Variants in BCKDHB observed in about 807,000 individuals in gnomAD.
BCKDHB encodes branched chain keto acid dehydrogenase E1 subunit beta, also known as 2-oxoisovalerate dehydrogenase subunit beta, mitochondrial.
In BCKDHB, 41 loss-of-function variants were observed where a neutral mutation model predicts 48.5. The ratio of observed to expected loss-of-function variants is 0.85; its 90% CI spans 0.66 to 1.10. The LOEUF (loss-of-function observed/expected upper bound fraction) is 1.10. Among genes scored for constraint, BCKDHB ranks in the 50% least tolerant of loss-of-function variants. The pLI is 0.00. For synonymous variants in BCKDHB, 201 were observed against 174.8 expected, an observed-to-expected ratio of 1.15 and a Z score of -1.18; for missense variants, 496 against 494.2, an observed-to-expected ratio of 1.00 and a Z score of -0.03.
chr6:80,387,373 T>C, the BCKDHB span, among the ~76,000 whole-genome samples: 1 of 24,016 alleles, frequency 4.2e-5, no homozygotes, highest in Non-Finnish European at 1.1e-3. Flanking sequence ...CTAGAAAAAA[T>C]AGTAATCAAA....
At chr6:80,108,728 C>G (rs561878440) in intron 1 of BCKDHB, among the ~76,000 whole-genome samples, 9 of 151,998 alleles carry the variant, frequency 5.9e-5, no homozygotes, top group Middle Eastern at 3.4e-3. Context: ...GGCGTGGCAG[C>G]GCATGCCTGT....
At position 80,140,950 on chromosome 6, in the gene BCKDHB, G is replaced by C. The variant is rs183515698; in HGVS notation, c.343+11721G>C. ...ATCTGGTCCTGGACTCTTTTTGGTT[G>C]ATAAGCTGTTGATTATTGCCACAAT... On this transcript the variant is annotated intron_variant, in intron 3 of 9. Coordinates refer to ENST00000320393, the MANE Select transcript of BCKDHB (RefSeq NM_183050.4). 5.1e-3 allele frequency among the ~76,000 whole-genome samples: 777 copies of C among 152,200 alleles called. 4 individuals carry two copies. Among genetic ancestry groups the C allele is most frequent in the South Asian group, 8.3e-3 (40 of 4,810 alleles).
At chr6:80,231,142 A>G (rs1037658180) in intron 8 of BCKDHB, among the ~76,000 whole-genome samples, 27 of 152,220 alleles carry the variant, frequency 1.8e-4, no homozygotes, top group Admixed American at 6.5e-5. Context: ...CTTGGGAAGG[A>G]TAGTTTACTG....
the BCKDHB span, among the ~76,000 whole-genome samples, chr6:80,431,581 T>A: frequency 6.6e-6 from 1 of 152,240 alleles, no homozygotes; most frequent in Non-Finnish European, 1.5e-5. Context: ...GTAATGCCCT[T>A]CTTTGTCTCT....
the BCKDHB span, among the ~76,000 whole-genome samples, chr6:80,424,525 A>C: frequency 6.6e-6 from 1 of 152,308 alleles, no homozygotes; most frequent in East Asian, 1.9e-4. Flanking sequence ...ATTTGCATCC[A>C]ATTTTATAAA....
chr6:80,278,622 C>T (rs770780372), intron 9 of BCKDHB, among the ~76,000 whole-genome samples: 10 of 152,060 alleles, frequency 6.6e-5, no homozygotes, highest in South Asian at 4.1e-4. Flanking sequence ...TGCAGTGGCG[C>T]AATCTCAGCT....
intron 3 of BCKDHB, among the ~76,000 whole-genome samples, chr6:80,164,823 T>C (rs1772492850): frequency 6.6e-6 from 1 of 152,142 alleles, no homozygotes; most frequent in African/African-American, 2.4e-5. Context: ...ACTTACAGGG[T>C]ACTACAGGAA....
downstream of BCKDHB, among the ~76,000 whole-genome samples, chr6:80,348,487 A>G (rs868639587): frequency 8.5e-5 from 13 of 152,192 alleles, no homozygotes; most frequent in South Asian, 2.3e-3. Flanking sequence ...GAGGCTGCCA[A>G]TCCCAACACT....
chr6:80,200,626 A>G (rs1774345706), intron 6 of BCKDHB, among the ~76,000 whole-genome samples: 1 of 152,198 alleles, frequency 6.6e-6, no homozygotes, highest in Non-Finnish European at 1.5e-5. Flanking sequence ...ATTATAGTTA[A>G]TAAACCAATA....
intron 9 of BCKDHB, among the ~76,000 whole-genome samples, chr6:80,301,092 G>T (rs922716537): frequency 6.6e-6 from 1 of 151,464 alleles, no homozygotes; most frequent in Admixed American, 6.6e-5. Context: ...AGTTAGAAAG[G>T]TTTCGAATTA....
chr6:80,417,245 C>A, the BCKDHB span, among the ~76,000 whole-genome samples: 1 of 152,086 alleles, frequency 6.6e-6, no homozygotes, highest in Non-Finnish European at 1.5e-5. Flanking sequence ...TGTGTCACTG[C>A]ATATGAGATG....
intron 9 of BCKDHB, among the ~76,000 whole-genome samples, chr6:80,293,634 G>A (rs1299780454): frequency 6.6e-6 from 1 of 152,124 alleles, no homozygotes; most frequent in African/African-American, 2.4e-5. Flanking sequence ...TCAAATTTCT[G>A]CAGCTGGCTT....
chr6:80,212,766 C>T (rs902566866), intron 8 of BCKDHB, among the ~76,000 whole-genome samples: 10 of 152,212 alleles, frequency 6.6e-5, no homozygotes, highest in East Asian at 1.9e-4. Context: ...CCCCTCCATT[C>T]GGGTTCCCTG....
the BCKDHB span, among the ~76,000 whole-genome samples, chr6:80,389,920 A>C: frequency 6.6e-6 from 1 of 152,148 alleles, no homozygotes; most frequent in Non-Finnish European, 1.5e-5. Context: ...TCCAGTAGCA[A>C]AATTTTTGCT....
chr6:80,111,702 T>C (rs1015458156), intron 1 of BCKDHB, among the ~76,000 whole-genome samples: 1 of 152,116 alleles, frequency 6.6e-6, no homozygotes, highest in African/African-American at 2.4e-5. Flanking sequence ...CAGAACCAAA[T>C]AAAAGCCTTC....
intron 3 of BCKDHB, among the ~76,000 whole-genome samples, chr6:80,150,727 T>C (rs917727423): frequency 6.6e-6 from 1 of 151,940 alleles, no homozygotes; most frequent in Non-Finnish European, 1.5e-5. Context: ...CAGCTAATTG[T>C]TGTATTTTTA....
chr6:80,146,381 CAG>C (rs1771489745), intron 3 of BCKDHB, among the ~76,000 whole-genome samples: 1 of 152,098 alleles, frequency 6.6e-6, no homozygotes, highest in Non-Finnish European at 1.5e-5. Context: ...ATTTAAATGA[CAG>C]AATTAAATTG....
chr6:80,311,286 CTT>C (rs965704054), intron 9 of BCKDHB, among the ~76,000 whole-genome samples: 16 of 152,190 alleles, frequency 1.1e-4, no homozygotes, highest in African/African-American at 3.1e-4. Flanking sequence ...CATTAAACCT[CTT>C]TGTTTTGTAA....
At chr6:80,164,747 C>T (rs538206946) in intron 3 of BCKDHB, among the ~76,000 whole-genome samples, 2 of 152,236 alleles carry the variant, frequency 1.3e-5, no homozygotes, top group East Asian at 1.9e-4. Flanking sequence ...GTGGAGGTAA[C>T]ACTTAAACCC....
Sources: allele counts gnomAD v4.1 joint callset (sites outside exome capture counted in the v4.1 genomes callset), GRCh38; gene constraint gnomAD v4.1.1; transcripts MANE v1.5; gene names NCBI Gene and HGNC (gene_info 2026-07-23, HGNC 2026-07-21).